Variants in ZNF385B observed in about 807,000 individuals in gnomAD.
ZNF385B encodes zinc finger protein 533.
In ZNF385B, 23 loss-of-function variants were observed where a neutral mutation model predicts 39.2. The observed-to-expected ratio is 0.59, with a 90% CI of 0.42 to 0.83. ZNF385B has a LOEUF of 0.83. Among genes scored for constraint, ZNF385B ranks in the 40% least tolerant of loss-of-function variants. The pLI, the probability that ZNF385B is intolerant of heterozygous loss-of-function variation, is 0.00. For missense variants in ZNF385B, 552 were observed against 598.9 expected, an observed-to-expected ratio of 0.92 and a Z score of 0.82; for synonymous variants, 205 against 222.6, an observed-to-expected ratio of 0.92 and a Z score of 0.70.
At chr2:179,708,785 C>T (rs1006406979) in intron 3 of ZNF385B, among the ~76,000 whole-genome samples, 1 of 152,166 alleles carries the variant, frequency 6.6e-6, no homozygotes, top group South Asian at 2.1e-4. Flanking sequence ...CCAATACTCA[C>T]TGCCAGGCAG....
chr2:179,718,829 TA>T (rs57140629), intron 3 of ZNF385B, among the ~76,000 whole-genome samples: 20,969 of 144,680 alleles, frequency 0.14, 1,922 homozygotes, highest in East Asian at 0.49. Context: ...CTGTATCTAT[TA>T]AAAAAAAAAA....
chr2:179,501,274 C>G (rs886976605), intron 5 of ZNF385B, among the ~76,000 whole-genome samples: 1 of 152,124 alleles, frequency 6.6e-6, no homozygotes, highest in Non-Finnish European at 1.5e-5. Context: ...GTACATCATA[C>G]AGATAAGTGC....
chr2:179,770,760 G>T (rs1703967412), intron 1 of ZNF385B, 88 bp from the exon 2 acceptor site: 1 of 152,110 alleles, frequency 6.6e-6, no homozygotes, highest in Admixed American at 6.6e-5. Context: ...ATATTTTTAA[G>T]TGTTGATGTT....
rs1559338449 is a variant in ZNF385B at position 179,493,783 on chromosome 2, A to ATATGTGTATATG, written c.553-10350_553-10349insCATATACACATA. ...TATATGTATACATATATGTATATAC[A>ATATGTGTATATG]CATATGTATACATATATGTATATAT... On this transcript the variant is annotated intron_variant, in intron 5 of 9. Coordinates refer to ENST00000410066, the MANE Select transcript of ZNF385B (RefSeq NM_152520.6). Among the ~76,000 whole-genome samples, 10 of 103,040 alleles carry ATATGTGTATATG rather than the reference A, an allele frequency of 9.7e-5. No individual in the cohort carries two copies. In the East Asian group the frequency reaches 1.3e-3, roughly 13 times the overall value. 67.6% of individuals were successfully genotyped at this position (103,040 alleles called of 152,430 possible). A position where few individuals can be genotyped will look rare whatever the true frequency, so the allele number is the denominator to read the frequency against.
At chr2:179,584,852 A>G (rs1686919788) in intron 3 of ZNF385B, among the ~76,000 whole-genome samples, 1 of 152,174 alleles carries the variant, frequency 6.6e-6, no homozygotes, top group Non-Finnish European at 1.5e-5. Context: ...AAATGAAATG[A>G]CCCAGGGAGA....
intron 3 of ZNF385B, among the ~76,000 whole-genome samples, chr2:179,669,626 A>G (rs1420132955): frequency 6.6e-6 from 1 of 152,172 alleles, no homozygotes; most frequent in Non-Finnish European, 1.5e-5. Flanking sequence ...GAAAAAACAC[A>G]TTTTTACTCT....
At chr2:179,556,486 T>C (rs1465307856) in intron 3 of ZNF385B, among the ~76,000 whole-genome samples, 1 of 149,868 alleles carries the variant, frequency 6.7e-6, no homozygotes, top group Non-Finnish European at 1.5e-5. Context: ...TTTTCTGCAA[T>C]AATTTTTAAA....
chr2:179,645,465 A>G (rs1468936651), intron 3 of ZNF385B, among the ~76,000 whole-genome samples: 1 of 152,172 alleles, frequency 6.6e-6, no homozygotes, highest in African/African-American at 2.4e-5. Flanking sequence ...ACTAATATTG[A>G]CTGAGGCCTA....
chr2:179,512,004 G>C (rs1014769505), intron 5 of ZNF385B, among the ~76,000 whole-genome samples: 1 of 152,100 alleles, frequency 6.6e-6, no homozygotes, highest in African/African-American at 2.4e-5. Flanking sequence ...AATCAAATGG[G>C]CTAGCTCCAA....
intron 3 of ZNF385B, among the ~76,000 whole-genome samples, chr2:179,607,971 A>G (rs972869686): frequency 1.4e-5 from 2 of 139,624 alleles, no homozygotes; most frequent in Non-Finnish European, 3.0e-5. Flanking sequence ...CTGGAGTGCA[A>G]TGGCGCAATC....
At chr2:179,576,052 T>C in intron 3 of ZNF385B, 1 of 787,512 alleles carries the variant, frequency 1.3e-6, no homozygotes, top group South Asian at 5.8e-5. Flanking sequence ...ATGGCAACTC[T>C]GGCACAACAC....
chr2:179,838,729 A>G (rs1205460914), intron 1 of ZNF385B, among the ~76,000 whole-genome samples: 4 of 152,134 alleles, frequency 2.6e-5, no homozygotes, highest in Non-Finnish European at 2.9e-5. Flanking sequence ...AAGCTTCATG[A>G]TATCTCCAGT....
chr2:179,623,726 T>C (rs970406096), intron 3 of ZNF385B, among the ~76,000 whole-genome samples: 2 of 152,138 alleles, frequency 1.3e-5, no homozygotes, highest in African/African-American at 4.8e-5. Context: ...CTGCTTACCT[T>C]TGCTTTCTCC....
chr2:179,583,591 T>C (rs1045771564), intron 3 of ZNF385B, among the ~76,000 whole-genome samples: 2 of 152,212 alleles, frequency 1.3e-5, no homozygotes, highest in Admixed American at 6.5e-5. Flanking sequence ...AACCAAACTT[T>C]GTTTTCCCAT....
intron 1 of ZNF385B, among the ~76,000 whole-genome samples, chr2:179,792,902 G>A (rs1705433391): frequency 6.6e-6 from 1 of 152,142 alleles, no homozygotes; most frequent in Non-Finnish European, 1.5e-5. Flanking sequence ...GGCTGAACTG[G>A]TAAATTTGCT....
intron 5 of ZNF385B, among the ~76,000 whole-genome samples, chr2:179,493,612 C>G (rs111209241): frequency 2.5e-4 from 28 of 113,374 alleles, no homozygotes; most frequent in East Asian, 1.8e-3. Flanking sequence ...CATATATGTA[C>G]GTACATATAT....
At chr2:179,859,732 A>C (rs905465114) in intron 1 of ZNF385B, among the ~76,000 whole-genome samples, 1 of 152,222 alleles carries the variant, frequency 6.6e-6, no homozygotes, top group African/African-American at 2.4e-5. Flanking sequence ...ACTTTGATCA[A>C]ATAAGCATCT....
intron 1 of ZNF385B, among the ~76,000 whole-genome samples, chr2:179,844,984 C>T (rs1367187538): frequency 2.0e-5 from 3 of 152,102 alleles, no homozygotes; most frequent in Admixed American, 2.0e-4. Flanking sequence ...GTACAGTATC[C>T]ATATACCTGG....
At chr2:179,798,472 A>C (rs1255269922) in intron 1 of ZNF385B, among the ~76,000 whole-genome samples, 1 of 152,138 alleles carries the variant, frequency 6.6e-6, no homozygotes, top group Non-Finnish European at 1.5e-5. Context: ...TGTAATTCAA[A>C]TTCAGGACTA....
Sources: allele counts gnomAD v4.1 joint callset (sites outside exome capture counted in the v4.1 genomes callset), GRCh38; gene constraint gnomAD v4.1.1; transcripts MANE v1.5; gene names NCBI Gene and HGNC (gene_info 2026-07-23, HGNC 2026-07-21).